The following ZFPM2 variants were observed in gnomAD, a reference collection of about 807,000 sequenced individuals.
The protein encoded by ZFPM2 is zinc finger protein, FOG family member 2.
Under a neutral mutation model 98.6 loss-of-function variants are expected in ZFPM2, and 20 were observed. The observed-to-expected ratio is 0.20, with a 90% CI of 0.14 to 0.29. The LOEUF is 0.29. ZFPM2 is among the 10% of genes least tolerant of loss of function. The pLI is 1.00. For missense variants in ZFPM2, 1,310 were observed against 1,388.6 expected (o/e 0.94, Z 0.90); for synonymous variants, 518 against 502.7 (o/e 1.03, Z -0.41).
chr8:105,380,771 ATACACATATATGTGT>A, intron 1 of ZFPM2, among the ~76,000 whole-genome samples: 7 of 36,338 alleles, frequency 1.9e-4, no homozygotes, highest in African/African-American at 7.9e-4. Flanking sequence ...TATATAATAT[ATACACATATATGTGT>A]ATATATATTA....
intron 1 of ZFPM2, among the ~76,000 whole-genome samples, chr8:105,350,483 T>C (rs1812620255): frequency 6.6e-6 from 1 of 152,094 alleles, no homozygotes; most frequent in African/African-American, 2.4e-5. Flanking sequence ...AAGAGAGTAG[T>C]GTAGATTGAA....
intron 1 of ZFPM2, among the ~76,000 whole-genome samples, chr8:105,361,904 T>C (rs1812870249): frequency 6.6e-6 from 1 of 151,694 alleles, no homozygotes; most frequent in Non-Finnish European, 1.5e-5. Context: ...ACACTATTTA[T>C]ATAATAACAT....
intron 3 of ZFPM2, among the ~76,000 whole-genome samples, chr8:105,492,504 T>G (rs1173716833): frequency 6.6e-6 from 1 of 152,138 alleles, no homozygotes; most frequent in Admixed American, 6.5e-5. Context: ...CATATATTGC[T>G]TCTTGGGAAA....
At chr8:105,471,231 A>G (rs1415007248) in intron 3 of ZFPM2, among the ~76,000 whole-genome samples, 1 of 152,128 alleles carries the variant, frequency 6.6e-6, no homozygotes, top group East Asian at 1.9e-4. Flanking sequence ...TTGGACAGTG[A>G]TGATTTTTCT....
chr8:105,765,585 T>C (rs1812837479), intron 5 of ZFPM2, among the ~76,000 whole-genome samples: 1 of 151,738 alleles, frequency 6.6e-6, no homozygotes, highest in Admixed American at 6.6e-5. Context: ...GTAGAAGAAA[T>C]CCGAAGAGAA....
At chr8:105,735,894 A>G (rs1345562670) in intron 5 of ZFPM2, among the ~76,000 whole-genome samples, 2 of 151,916 alleles carry the variant, frequency 1.3e-5, no homozygotes, top group Non-Finnish European at 2.9e-5. Context: ...AGTCAAGAGG[A>G]CCTTCAGGGA....
chr8:105,345,607 A>G (rs1234271130), intron 1 of ZFPM2, among the ~76,000 whole-genome samples: 3 of 151,920 alleles, frequency 2.0e-5, no homozygotes, highest in Middle Eastern at 3.2e-3. Context: ...TGATCTTTTC[A>G]TAAATGTTAT....
At chr8:105,751,935 A>T (rs1269108236) in intron 5 of ZFPM2, among the ~76,000 whole-genome samples, 1 of 152,160 alleles carries the variant, frequency 6.6e-6, no homozygotes, top group Non-Finnish European at 1.5e-5. Flanking sequence ...ATGAAAATAA[A>T]ACTAGCATTA....
At position 105,388,957 on chromosome 8, in the gene ZFPM2, C is replaced by T. The variant is rs1304011638; in HGVS notation, c.41-30187C>T. 4.0e-5 allele frequency among the ~76,000 whole-genome samples: 6 copies of T among 150,728 alleles called. No homozygotes were observed. The East Asian group carries it at 7.9e-4, about 20-fold the overall frequency. ...TGATGGCCCTATGAAAAGGAGAGAA[C>T]GTGCACATACAGAGGAGAGAGCTAA... On this transcript the variant is annotated intron_variant, in intron 1 of 7. Transcript: ENST00000407775.
At chr8:105,800,993 T>C (rs1813982430) in intron 7 of ZFPM2, 54 bp from the exon 8 acceptor site, 1 of 1,523,970 alleles carries the variant, frequency 6.6e-7, no homozygotes, top group African/African-American at 1.4e-5. Context: ...GTCCCTGTCA[T>C]TCAAAAACCA....
chr8:105,775,540 G>A (rs1248609808), intron 5 of ZFPM2, among the ~76,000 whole-genome samples: 3 of 152,156 alleles, frequency 2.0e-5, no homozygotes, highest in African/African-American at 7.2e-5. Context: ...ACAGTTAGGG[G>A]CTCAGCTGGG....
chr8:105,581,504 C>T (rs1301358206), intron 4 of ZFPM2, among the ~76,000 whole-genome samples: 1 of 152,148 alleles, frequency 6.6e-6, no homozygotes, highest in East Asian at 1.9e-4. Flanking sequence ...GTCTGGTAGA[C>T]TGCAAATAGC....
chr8:105,781,670 C>G (rs1361038390), intron 5 of ZFPM2, among the ~76,000 whole-genome samples: 1 of 152,006 alleles, frequency 6.6e-6, no homozygotes, highest in African/African-American at 2.4e-5. Context: ...GTGAGCTGAG[C>G]GGTGACTGCC....
At chr8:105,389,852 C>T (rs762311754) in intron 1 of ZFPM2, among the ~76,000 whole-genome samples, 1 of 152,048 alleles carries the variant, frequency 6.6e-6, no homozygotes, top group Admixed American at 6.5e-5. Flanking sequence ...AAAAAGGAAG[C>T]GCAGTTATTA....
intron 4 of ZFPM2, among the ~76,000 whole-genome samples, chr8:105,576,180 C>T (rs1304380843): frequency 4.6e-5 from 7 of 152,216 alleles, no homozygotes; most frequent in South Asian, 4.1e-4. Flanking sequence ...ATAATATATA[C>T]GCAGAGCAAT....
intron 3 of ZFPM2, among the ~76,000 whole-genome samples, chr8:105,507,130 T>A (rs1189930819): frequency 6.6e-6 from 1 of 152,192 alleles, no homozygotes; most frequent in Non-Finnish European, 1.5e-5. Context: ...AATGTTTTGT[T>A]ATTAATAAGA....
At chr8:105,410,740 A>G (rs527522328) in intron 1 of ZFPM2, among the ~76,000 whole-genome samples, 1 of 152,074 alleles carries the variant, frequency 6.6e-6, no homozygotes, top group African/African-American at 2.4e-5. Flanking sequence ...GGTATCTCAT[A>G]GAAGTCTATA....
rs1344363848 is a variant in ZFPM2, at chr8:105,318,869, G to GGCGGGAGCT, written c.-65_-64insTGCGGGAGC. 13 of 1,008,752 alleles carry GGCGGGAGCT rather than the reference G, an allele frequency of 1.3e-5. No homozygotes were observed. Among genetic ancestry groups the GGCGGGAGCT allele is most frequent in the Admixed American group, 5.0e-5 (1 of 20,192 alleles). The allele number at this position is 1,008,752 out of a possible 1,614,324, so 62.5% of individuals were successfully genotyped here. On this transcript the variant is annotated 5_prime_UTR_variant, in exon 1 of 8. Coordinates refer to ENST00000407775, the MANE Select transcript of ZFPM2 (RefSeq NM_012082.4). ...CAGCGGCGGCGGCGGCGGCGGCGGC[G>GGCGGGAGCT]GCGGGAGCCGAGGGAGCGGCAGCCG...
chr8:105,613,638 C>G (rs1215862695), intron 4 of ZFPM2, among the ~76,000 whole-genome samples: 1 of 152,032 alleles, frequency 6.6e-6, no homozygotes, highest in East Asian at 1.9e-4. Flanking sequence ...AGCATCTTAC[C>G]TTGTATATAG....
Sources: gnomAD v4.1 joint callset for allele counts (sites outside exome capture counted in the v4.1 genomes callset) on GRCh38, gnomAD v4.1.1 for gene constraint, MANE v1.5 for transcripts, NCBI Gene and HGNC (gene_info 2026-07-23, HGNC 2026-07-21) for gene names.